AFF4: variants seen among roughly 807,000 people sequenced by gnomAD.
AFF4 encodes ALF transcription elongation factor 4, also known as AF4/FMR2 family member 4.
Under a neutral mutation model 124.8 loss-of-function variants are expected in AFF4, and 13 were observed. The observed-to-expected ratio is 0.10, with a 90% CI of 0.07 to 0.17. AFF4 has a LOEUF of 0.17. Among genes scored for constraint, AFF4 ranks in the 10% least tolerant of loss-of-function variants. The pLI, the probability that AFF4 is intolerant of heterozygous loss-of-function variation, is 1.00. For missense variants in AFF4, 1,092 were observed against 1,403.8 expected, an observed-to-expected ratio of 0.78 and a Z score of 3.55; for synonymous variants, 477 against 496.1, an observed-to-expected ratio of 0.96 and a Z score of 0.51.
Position 132,937,111 on chromosome 5 carries a change from C to A in AFF4, c.79G>T (p.Ala27Ser). The A allele has an allele frequency of 2.5e-6, 4 of 1,613,810 alleles. No individual in the cohort carries two copies. Among genetic ancestry groups the A allele is most frequent in the Non-Finnish European group, 3.4e-6 (4 of 1,179,916 alleles). ...RNQEIQQGEDAFPPSSPLFAE... is the reference protein window; with the variant it reads ...RNQEIQQGEDSFPPSSPLFAE... Reference sequence around the variant, plus strand: ...AAGAGAGGAGAGCTAGGTGGGAAGGCGTCTTCGCCCTGCTGAATTTCCTGA... The same window carrying A: ...AAGAGAGGAGAGCTAGGTGGGAAGGAGTCTTCGCCCTGCTGAATTTCCTGA... The change falls in exon 2 of 21, where the codon GCC becomes TCC. Residue 27 changes from alanine to serine, a missense_variant. Around this residue, in one of 11 missense-constraint regions of AFF4, gnomAD observed 46 missense variants for 49.0 expected, o/e 0.94. Coordinates refer to ENST00000265343, the MANE Select transcript of AFF4 (RefSeq NM_014423.4).
Position 132,886,937 on chromosome 5 carries a change from C to T in AFF4, c.3006-534G>A, listed in dbSNP as rs534143799. On this transcript the variant is annotated intron_variant, in intron 17 of 20. Coordinates refer to ENST00000265343, the MANE Select transcript of AFF4 (RefSeq NM_014423.4). Reference sequence around the variant, plus strand: ...CTCTAAATAGAGTAGGTCTCCCTACCCTCTACTGTTACAGTTACATATACT... The same window carrying T: ...CTCTAAATAGAGTAGGTCTCCCTACTCTCTACTGTTACAGTTACATATACT... 3.7e-4 allele frequency among the ~76,000 whole-genome samples: 56 copies of T among 152,204 alleles called. 1 individual carries two copies. The South Asian group carries it at 0.011, about 30-fold the overall frequency.
intron 1 of AFF4, among the ~76,000 whole-genome samples, chr5:132,945,984 C>T (rs541310084): frequency 1.4e-3 from 211 of 151,772 alleles, no homozygotes; most frequent in African/African-American, 4.7e-3. Context: ...TGCTTGAACC[C>T]GGGACGCGGA....
At position 132,963,584 on chromosome 5, in the gene AFF4, G is replaced by A; in HGVS notation, c.-330C>T. ...TGGCACCAGGATCCCCGCCCCGTCCGCTGGCGGCGGCGACGGCAGCTGGAC... is the reference window on the plus strand; with the variant it reads ...TGGCACCAGGATCCCCGCCCCGTCCACTGGCGGCGGCGACGGCAGCTGGAC... On this transcript the variant is annotated 5_prime_UTR_variant, in exon 1 of 21. Coordinates refer to ENST00000265343, the MANE Select transcript of AFF4 (RefSeq NM_014423.4). 2 of 397,794 alleles carry A rather than the reference G, an allele frequency of 5.0e-6. No homozygotes were observed. Among genetic ancestry groups the A allele is most frequent in the East Asian group, 7.1e-5 (2 of 28,026 alleles). The allele number at this position is 397,794 out of a possible 1,614,324, so 24.6% of individuals were successfully genotyped here.
chr5:132,924,600 T>C (rs1038785814), intron 5 of AFF4, among the ~76,000 whole-genome samples: 1 of 152,112 alleles, frequency 6.6e-6, no homozygotes, highest in Non-Finnish European at 1.5e-5. Context: ...CGCCTGTTAA[T>C]CCCAGCACTT....
chr5:132,959,333 G>A (rs59326606), intron 1 of AFF4, among the ~76,000 whole-genome samples: 31,250 of 151,748 alleles, frequency 0.21, 3,471 homozygotes, highest in African/African-American at 0.28. Context: ...TATTGTCCAG[G>A]ATTGTCTTGA....
At position 132,896,967 on chromosome 5, in the gene AFF4, T is replaced by C. The variant is rs1760419527; in HGVS notation, c.1663A>G (p.Ser555Gly). 6.2e-7 allele frequency: 1 copy of C among 1,614,246 alleles called. No individual in the cohort carries two copies. The highest frequency in any genetic ancestry group is 8.5e-7 in the Non-Finnish European group (1 of 1,180,040). The change falls in exon 11 of 21, where the codon AGC (serine) becomes GGC (glycine). Residue 555 changes from serine to glycine, a missense_variant. Transcript: ENST00000265343. Reference sequence around the variant, plus strand: ...CCTACAGTTCTTCTCTGTGTTGTGCTGTCACTCTGTGCAGGAGATTTCTGC... The same window carrying C: ...CCTACAGTTCTTCTCTGTGTTGTGCCGTCACTCTGTGCAGGAGATTTCTGC... ...GRQKSPAQSD[S>G]TTQRRTVGKK... is the part of the protein sequence containing the mutation.
rs1184770422 is a variant in AFF4, at chr5:132,880,054, A to AG, written c.*1004dup. 3 of 394,952 alleles carry AG rather than the reference A, an allele frequency of 7.6e-6. No individual in the cohort carries two copies. The highest frequency in any genetic ancestry group is 4.4e-5 in the Admixed American group (1 of 22,620). 24.5% of individuals were successfully genotyped at this position (394,952 alleles called of 1,614,324 possible). A position where few individuals can be genotyped will look rare whatever the true frequency, so the allele number is the denominator to read the frequency against. ...TATCAGAGCATCACAATCCAGTATGAGGGGGAAAAATCTGAAAAATAACTC... is the reference window on the plus strand; with the variant it reads ...TATCAGAGCATCACAATCCAGTATGAGGGGGGAAAAATCTGAAAAATAACTC... On this transcript the variant is annotated 3_prime_UTR_variant, in exon 21 of 21. Transcript: ENST00000265343.
chr5:132,950,202 G>A lies in AFF4; in HGVS notation c.-4-13009C>T, dbSNP rs150698474. ...AAAAATAAGCCGTGCCTGGCCGGGCGCGATGGCTCACGCCTGTAATTCCAG... is the reference window on the plus strand; with the variant it reads ...AAAAATAAGCCGTGCCTGGCCGGGCACGATGGCTCACGCCTGTAATTCCAG... On this transcript the variant is annotated intron_variant, in intron 1 of 20. Transcript: ENST00000265343. Among the ~76,000 whole-genome samples, 178 of 152,248 alleles carry A rather than the reference G, an allele frequency of 1.2e-3. 1 individual carries two copies. Among genetic ancestry groups the A allele is most frequent in the African/African-American group, 4.1e-3 (171 of 41,544 alleles).
rs148265199 is a variant in AFF4 at position 132,940,934 on chromosome 5, G to C, written c.-4-3741C>G. ...CCCAGCTACTCAGGAGGCTGATGCA[G>C]GAGAAAAGCTTGAACTCAGGAGGCG... On this transcript the variant is annotated intron_variant, in intron 1 of 20. Transcript: ENST00000265343. Among the ~76,000 whole-genome samples, 412 of 152,126 alleles carry C rather than the reference G, an allele frequency of 2.7e-3. 1 individual carries two copies. The highest frequency in any genetic ancestry group is 4.8e-3 in the Non-Finnish European group (325 of 67,990).
At chr5:132,963,136 C>T (rs1762119233) in intron 1 of AFF4, 123 bp downstream of exon 1, 1 of 352,760 alleles carries the variant, frequency 2.8e-6, no homozygotes, top group Non-Finnish European at 5.1e-6. Context: ...GATTGAGCAG[C>T]CCCAGCCCGG....
At chr5:132,886,908 T>C (rs1158193942) in intron 17 of AFF4, among the ~76,000 whole-genome samples, 1 of 152,206 alleles carries the variant, frequency 6.6e-6, no homozygotes, top group South Asian at 2.1e-4. Flanking sequence ...GTACATGTTG[T>C]TCCCTCTAAA....
chr5:132,918,125 G>C (rs1760958071), intron 5 of AFF4, among the ~76,000 whole-genome samples: 1 of 151,566 alleles, frequency 6.6e-6, no homozygotes, highest in Non-Finnish European at 1.5e-5. Context: ...GGGTACTGTG[G>C]CTCATGCCTG....
chr5:132,915,925 G>A (rs1185830202), intron 5 of AFF4, among the ~76,000 whole-genome samples: 3 of 151,838 alleles, frequency 2.0e-5, no homozygotes, highest in African/African-American at 4.8e-5. Flanking sequence ...CCTATAGATA[G>A]AATTTCTGAC....
Position 132,963,607 on chromosome 5 carries a change from G to A in AFF4, c.-353C>T. ...CCGCTGGCGGCGGCGACGGCAGCTGGACTCCTGCAGCCAGGGCTGTGACTG... is the reference window on the plus strand; with the variant it reads ...CCGCTGGCGGCGGCGACGGCAGCTGAACTCCTGCAGCCAGGGCTGTGACTG... On this transcript the variant is annotated 5_prime_UTR_variant, in exon 1 of 21. Transcript: ENST00000265343. 1 of 397,404 alleles carries A rather than the reference G, an allele frequency of 2.5e-6. No homozygotes were observed. Among genetic ancestry groups the A allele is most frequent in the Non-Finnish European group, 4.4e-6 (1 of 225,404 alleles). The allele number at this position is 397,404 out of a possible 1,614,324, so 24.6% of individuals were successfully genotyped here.
chr5:132,932,066 T>C, intron 4 of AFF4, 112 bp downstream of exon 4: 1 of 619,456 alleles, frequency 1.6e-6, no homozygotes, highest in Non-Finnish European at 2.6e-6. Flanking sequence ...GTTACAAATA[T>C]AAGCAATCTG....
chr5:132,947,150 T>G (rs1420062674), intron 1 of AFF4, among the ~76,000 whole-genome samples: 1 of 152,174 alleles, frequency 6.6e-6, no homozygotes, highest in Non-Finnish European at 1.5e-5. Flanking sequence ...GCATCTGTAA[T>G]CCCAGCACTT....
At chr5:132,890,037 C>T (rs1382736893) in intron 13 of AFF4, among the ~76,000 whole-genome samples, 1 of 151,966 alleles carries the variant, frequency 6.6e-6, no homozygotes, top group African/African-American at 2.4e-5. Context: ...AACGAATATA[C>T]ATTTTTCCAT....
At chr5:132,937,046 A>T (rs766774488) in intron 2 of AFF4, 21 bp downstream of exon 2, 1 of 1,583,868 alleles carries the variant, frequency 6.3e-7, no homozygotes, top group Non-Finnish European at 8.6e-7. Flanking sequence ...GGAAAAAAAC[A>T]TTCACAGAAG....
At chr5:132,932,512 C>A (rs982297184) in intron 3 of AFF4, among the ~76,000 whole-genome samples, 1 of 152,118 alleles carries the variant, frequency 6.6e-6, no homozygotes, top group Middle Eastern at 3.4e-3. Context: ...TTCAGGTGTG[C>A]AGCTTGTCTA....
Sources: allele counts gnomAD v4.1 joint callset (sites outside exome capture counted in the v4.1 genomes callset), GRCh38; gene constraint gnomAD v4.1.1; regional missense constraint gnomAD v4.1.1; transcripts MANE v1.5; gene names NCBI Gene and HGNC (gene_info 2026-07-23, HGNC 2026-07-21).